Variants in RGS7 observed in about 807,000 individuals in gnomAD.
The protein encoded by RGS7 is regulator of G protein signaling 7.
Under a neutral mutation model 81.1 loss-of-function variants are expected in RGS7, and 27 were observed. That is an observed-to-expected ratio of 0.33 (90% CI 0.25 to 0.46). The LOEUF is 0.46. RGS7 is among the 20% of genes least tolerant of loss of function. RGS7 has a pLI of 1.00. For missense variants in RGS7, 396 were observed against 607.4 expected, an observed-to-expected ratio of 0.65 and a Z score of 3.66; for synonymous variants, 208 against 207.7, an observed-to-expected ratio of 1.00 and a Z score of -0.01.
In RGS7 at chr1:241,163,043, TAA is replaced by T. The variant is rs1490357383; in HGVS notation, c.79-64283_79-64282del. Among the ~76,000 whole-genome samples, 3 of 152,296 alleles carry T rather than the reference TAA, an allele frequency of 2.0e-5. No individual in the cohort carries two copies. The highest frequency in any genetic ancestry group is 2.1e-4 in the South Asian group (1 of 4,826). On this transcript the variant is annotated intron_variant, in intron 2 of 18. Coordinates refer to ENST00000440928, the MANE Select transcript of RGS7 (RefSeq NM_001364886.1). The surrounding 1 kb of genome is among the most constrained non-coding windows in gnomAD (Gnocchi z 4.6). ...AATTGTTTTGGAATTTGCCACTACA[TAA>T]ACTATATAATAGGGGCAGATATGAG...
At chr1:241,099,262 T>C (rs2064532219) in intron 2 of RGS7, among the ~76,000 whole-genome samples, 1 of 152,188 alleles carries the variant, frequency 6.6e-6, no homozygotes, top group Non-Finnish European at 1.5e-5. Flanking sequence ...TGCCAACTAC[T>C]ATTACATCTC....
At chr1:240,879,454 T>C (rs12239109) in intron 6 of RGS7, among the ~76,000 whole-genome samples, 40,098 of 152,092 alleles carry the variant, frequency 0.26, 5,593 homozygotes, top group African/African-American at 0.36. Context: ...AAGATACTTG[T>C]TCTTTTTACA....
At chr1:240,818,400 G>A (rs1468392608) in intron 10 of RGS7, among the ~76,000 whole-genome samples, 1 of 152,052 alleles carries the variant, frequency 6.6e-6, no homozygotes, top group Non-Finnish European at 1.5e-5. Context: ...GACTAAAAAA[G>A]GGAGCAGTAT....
intron 2 of RGS7, among the ~76,000 whole-genome samples, chr1:241,135,698 G>C (rs1200917045): frequency 6.6e-6 from 1 of 152,100 alleles, no homozygotes; most frequent in Non-Finnish European, 1.5e-5. Context: ...CTTTGAACAA[G>C]ATGATCTGAG....
At chr1:241,227,722 T>C (rs1380035954) in intron 2 of RGS7, among the ~76,000 whole-genome samples, 1 of 151,756 alleles carries the variant, frequency 6.6e-6, no homozygotes, top group Non-Finnish European at 1.5e-5. Context: ...ACCGTACTCC[T>C]AGGTAACACA....
At chr1:241,126,640 C>T (rs1021371820) in intron 2 of RGS7, among the ~76,000 whole-genome samples, 2 of 152,186 alleles carry the variant, frequency 1.3e-5, no homozygotes, top group African/African-American at 2.4e-5. Context: ...ATCCTTCTCA[C>T]GGAGTTATTA....
At chr1:241,187,289 C>T (rs538680762) in intron 2 of RGS7, among the ~76,000 whole-genome samples, 1 of 152,032 alleles carries the variant, frequency 6.6e-6, no homozygotes, top group East Asian at 1.9e-4. Context: ...CATTTCATTT[C>T]CCTAGGAATC....
At chr1:241,299,847 T>C (rs1006939536) in intron 2 of RGS7, among the ~76,000 whole-genome samples, 1 of 144,208 alleles carries the variant, frequency 6.9e-6, no homozygotes, top group South Asian at 2.2e-4. Context: ...TGGGCACAGT[T>C]GCTCATGTCT....
chr1:240,876,805 C>CA, intron 6 of RGS7, among the ~76,000 whole-genome samples: 1 of 152,046 alleles, frequency 6.6e-6, no homozygotes, highest in South Asian at 2.1e-4. Flanking sequence ...TACTAAAATA[C>CA]AAAAAATTAG....
chr1:240,827,264 G>A (rs1232617874), intron 9 of RGS7, 92 bp from the exon 10 acceptor site: 2 of 979,682 alleles, frequency 2.0e-6, no homozygotes, highest in Admixed American at 3.5e-5. Context: ...CAGAGCCCGA[G>A]CAAATGCCCC....
chr1:240,990,879 T>C (rs916836504), intron 3 of RGS7, among the ~76,000 whole-genome samples: 1 of 152,250 alleles, frequency 6.6e-6, no homozygotes, highest in Non-Finnish European at 1.5e-5. Context: ...GTCATTTAAA[T>C]GCATTTGCAG....
chr1:240,945,387 G>A (rs1009068876), intron 4 of RGS7, among the ~76,000 whole-genome samples: 2 of 152,204 alleles, frequency 1.3e-5, no homozygotes, highest in Non-Finnish European at 2.9e-5. Flanking sequence ...GGTTTTATGA[G>A]TGTGTTCTAT....
chr1:241,087,778 G>A (rs537225448), intron 3 of RGS7, among the ~76,000 whole-genome samples: 10 of 151,932 alleles, frequency 6.6e-5, no homozygotes, highest in Admixed American at 2.6e-4. Flanking sequence ...GCAAAAGCCC[G>A]TCTCTACTAA....
intron 2 of RGS7, among the ~76,000 whole-genome samples, chr1:241,218,193 T>G (rs748784305): frequency 6.6e-6 from 1 of 152,216 alleles, no homozygotes; most frequent in Non-Finnish European, 1.5e-5. Context: ...CCTCCCTTCC[T>G]TCCCTTTGTC....
intron 6 of RGS7, among the ~76,000 whole-genome samples, chr1:240,874,576 T>G (rs940519820): frequency 6.6e-6 from 1 of 152,250 alleles, no homozygotes; most frequent in Non-Finnish European, 1.5e-5. Flanking sequence ...TTTATTATTT[T>G]AACATTAAAA....
intron 5 of RGS7, among the ~76,000 whole-genome samples, chr1:240,931,393 T>C (rs1049005417): frequency 3.3e-5 from 5 of 152,158 alleles, no homozygotes; most frequent in South Asian, 2.1e-4. Context: ...CTCGAGTCAA[T>C]AGTAACTTAA....
chr1:241,191,415 A>C (rs2072645275), intron 2 of RGS7, among the ~76,000 whole-genome samples: 1 of 152,184 alleles, frequency 6.6e-6, no homozygotes, highest in Middle Eastern at 3.2e-3. Flanking sequence ...AAACACATTG[A>C]CTGATTTTCA....
At chr1:241,179,006 C>G (rs531217413) in intron 2 of RGS7, among the ~76,000 whole-genome samples, 33 of 152,320 alleles carry the variant, frequency 2.2e-4, no homozygotes, top group African/African-American at 7.7e-4. Context: ...ATGGTGCCTG[C>G]ACTGGCTGTA....
intron 2 of RGS7, among the ~76,000 whole-genome samples, chr1:241,151,565 CTTTTTTTTTT>C (rs58097674): frequency 0.017 from 2,015 of 116,524 alleles, 37 homozygotes; most frequent in African/African-American, 0.063. Flanking sequence ...ATTAGGAACT[CTTTTTTTTTT>C]TTTTTTTTTT....
Sources: allele counts gnomAD v4.1 joint callset (sites outside exome capture counted in the v4.1 genomes callset), GRCh38; gene constraint gnomAD v4.1.1; non-coding constraint Gnocchi (gnomAD v3.1); transcripts MANE v1.5; gene names NCBI Gene and HGNC (gene_info 2026-07-23, HGNC 2026-07-21).